TRIOBP: variants seen among roughly 807,000 people sequenced by gnomAD.
The protein encoded by TRIOBP is TRIO and F-actin binding protein.
Under a neutral mutation model 238.8 loss-of-function variants are expected in TRIOBP, and 169 were observed. The ratio of observed to expected loss-of-function variants is 0.71; its 90% CI spans 0.62 to 0.80. TRIOBP has a LOEUF of 0.80. TRIOBP is among the 30% of genes least tolerant of loss of function. The pLI is 0.00. For synonymous variants in TRIOBP, 1,150 were observed against 1,274.4 expected, an observed-to-expected ratio of 0.90 and a Z score of 2.08; for missense variants, 2,838 against 3,122.6, an observed-to-expected ratio of 0.91 and a Z score of 2.17.
At position 37,751,825 on chromosome 22, in the gene TRIOBP, A is replaced by T. The variant is rs746550716; in HGVS notation, c.5376A>T (p.Gly1792=). 6 of 1,609,108 alleles carry T rather than the reference A, an allele frequency of 3.7e-6. No homozygotes were observed. The highest frequency in any genetic ancestry group is 8.5e-7 in the Non-Finnish European group (1 of 1,177,072). Residue 1792 remains glycine (G), a synonymous_variant, in exon 12 of 24, where the codon GGA becomes GGT. Coordinates refer to ENST00000644935, the MANE Select transcript of TRIOBP (RefSeq NM_001039141.3). The part of the protein sequence containing the change: ...KGWMSILDEP[G]EPPSPSLTTT... Reference sequence around the variant, plus strand: ...GGATGTCGATCTTGGACGAGCCTGGAGAGGTAAGAGGACTGAGGCCGGAGG... The same window carrying T: ...GGATGTCGATCTTGGACGAGCCTGGTGAGGTAAGAGGACTGAGGCCGGAGG...
At chr22:37,759,694 C>G in intron 17 of TRIOBP, 1 of 1,510,412 alleles carries the variant, frequency 6.6e-7, no homozygotes, top group South Asian at 1.2e-5. Flanking sequence ...ACAAGGAGGT[C>G]TGCAGGACAG....
intron 6 of TRIOBP, among the ~76,000 whole-genome samples, chr22:37,719,174 G>A (rs1923694960): frequency 1.4e-5 from 2 of 147,304 alleles, no homozygotes; most frequent in East Asian, 2.1e-4. Flanking sequence ...CTGCACTCCC[G>A]CCTGGGCAAC....
intron 17 of TRIOBP, among the ~76,000 whole-genome samples, chr22:37,762,840 C>G (rs1183844827): frequency 6.6e-6 from 1 of 152,116 alleles, no homozygotes; most frequent in Non-Finnish European, 1.5e-5. Context: ...GGGTGCCCTT[C>G]CTTCAGGGGT....
chr22:37,735,613 CAAT>C (rs899022163), intron 9 of TRIOBP, among the ~76,000 whole-genome samples, 171 bp downstream of exon 9: 7 of 152,370 alleles, frequency 4.6e-5, no homozygotes, highest in Admixed American at 6.5e-5. Context: ...ACTGGCCCAA[CAAT>C]GATGATGAGC....
At position 37,757,630 on chromosome 22, in the gene TRIOBP, AG is replaced by A; in HGVS notation, c.5707del (p.Glu1903ArgfsTer14). The A allele has an allele frequency of 1.3e-6, 2 of 1,588,158 alleles. No homozygotes were observed. The highest frequency in any genetic ancestry group is 1.7e-6 in the Non-Finnish European group (2 of 1,169,434). On this transcript the variant is annotated frameshift_variant, in exon 16 of 24. Coordinates refer to ENST00000644935, the MANE Select transcript of TRIOBP (RefSeq NM_001039141.3). LOFTEE classifies it high-confidence loss of function. ...PDVTKLSDSN[K>X]ENALHSYSTQ... ...TGCCCTAGGCTCTCGGACTCTAACA[AG>A]GAGAACGCGCTGCACAGCTACAGCA...
intron 7 of TRIOBP, among the ~76,000 whole-genome samples, chr22:37,728,306 C>T (rs545767789): frequency 2.0e-5 from 3 of 150,788 alleles, no homozygotes; most frequent in East Asian, 1.9e-4. Flanking sequence ...TAGTGGCACA[C>T]GCCTGTAGTC....
intron 17 of TRIOBP, among the ~76,000 whole-genome samples, chr22:37,761,731 G>A (rs1026855430): frequency 6.6e-6 from 1 of 152,076 alleles, no homozygotes; most frequent in South Asian, 2.1e-4. Context: ...AGACCGTCCT[G>A]GGGCCAAGTA....
At chr22:37,749,462 G>T (rs1417417006) in intron 11 of TRIOBP, among the ~76,000 whole-genome samples, 2 of 152,144 alleles carry the variant, frequency 1.3e-5, no homozygotes, top group African/African-American at 4.8e-5. Flanking sequence ...GGGGTTGTGT[G>T]CCTGGCCAGG....
intron 18 of TRIOBP, among the ~76,000 whole-genome samples, chr22:37,767,269 CTCCGTCTCCTGGGTG>C (rs1926547786): frequency 2.2e-5 from 3 of 134,740 alleles, no homozygotes; most frequent in Non-Finnish European, 3.4e-5. Flanking sequence ...CAGAGTGAGA[CTCCGTCTCCTGGGTG>C]ACAGAGTGAG....
chr22:37,771,573 A>C, intron 21 of TRIOBP, 77 bp from the exon 22 acceptor site: 6 of 1,303,582 alleles, frequency 4.6e-6, no homozygotes, highest in Non-Finnish European at 5.6e-6. Context: ...GGCAGAGAGA[A>C]CCCGGGCTGC....
At chr22:37,755,396 C>G (rs979428368) in intron 14 of TRIOBP, 154 bp from the exon 15 acceptor site, 8 of 908,370 alleles carry the variant, frequency 8.8e-6, no homozygotes, top group South Asian at 8.5e-5. Context: ...TCTTCCCAGG[C>G]CAATGGAAGG....
chr22:37,760,447 T>C (rs1926186649), intron 17 of TRIOBP: 1 of 152,212 alleles, frequency 6.6e-6, no homozygotes, highest in South Asian at 2.1e-4. Context: ...CACTATTCAC[T>C]AGGATTTCCA....
chr22:37,755,395 G>T (rs942715802), intron 14 of TRIOBP, 155 bp from the exon 15 acceptor site: 2 of 906,744 alleles, frequency 2.2e-6, no homozygotes, highest in Admixed American at 4.0e-5. Flanking sequence ...CTCTTCCCAG[G>T]CCAATGGAAG....
At position 37,701,387 on chromosome 22, in the gene TRIOBP, G is replaced by T. The variant is rs1569030323; in HGVS notation, c.22G>T (p.Ala8Ser). The T allele has an allele frequency of 1.2e-6, 2 of 1,613,550 alleles. No homozygotes were observed. The highest frequency in any genetic ancestry group is 1.7e-6 in the Non-Finnish European group (2 of 1,179,836). Residue 8 changes from alanine to serine, a missense_variant, in exon 3 of 24, where the codon GCC (alanine) becomes TCC (serine). Physicochemically the swap from Ala to Ser is moderately conservative, Grantham distance 99 (BLOSUM62 1). Around this residue, in one of 5 missense-constraint regions of TRIOBP, gnomAD observed 535 missense variants for 537.3 expected, o/e 1.00. Transcript: ENST00000644935. Reference protein sequence around the residue: MEEVPGDALCEHFEANIL... With the variant: MEEVPGDSLCEHFEANIL... ...CAATATGGAGGAGGTGCCTGGGGAT[G>T]CCCTGTGTGAACACTTTGAGGCCAA...
intron 8 of TRIOBP, among the ~76,000 whole-genome samples, chr22:37,733,634 C>T (rs1400803974): frequency 2.0e-5 from 3 of 152,014 alleles, no homozygotes; most frequent in Non-Finnish European, 2.9e-5. Flanking sequence ...CCCTCTCCCA[C>T]GCTATCCCCT....
intron 5 of TRIOBP, among the ~76,000 whole-genome samples, chr22:37,714,804 G>A (rs1923432224): frequency 6.6e-6 from 1 of 152,080 alleles, no homozygotes; most frequent in African/African-American, 2.4e-5. Flanking sequence ...AGCCTCCTCA[G>A]TAGCTGGGAC....
At chr22:37,740,238 C>T (rs1202431065) in intron 10 of TRIOBP, among the ~76,000 whole-genome samples, 1 of 152,240 alleles carries the variant, frequency 6.6e-6, no homozygotes, top group African/African-American at 2.4e-5. Flanking sequence ...TTCCCAGTAA[C>T]CCATGTGTGG....
At chr22:37,731,278 C>T (rs1040789399) in intron 7 of TRIOBP, among the ~76,000 whole-genome samples, 2 of 151,898 alleles carry the variant, frequency 1.3e-5, no homozygotes, top group African/African-American at 4.8e-5. Context: ...GCTGGGACTA[C>T]AGCCACGTAC....
At chr22:37,749,584 G>C (rs909516120) in intron 11 of TRIOBP, among the ~76,000 whole-genome samples, 11 of 152,084 alleles carry the variant, frequency 7.2e-5, no homozygotes, top group Non-Finnish European at 1.2e-4. Context: ...TGTATGAAGG[G>C]GCATCGTGGG....
Sources: gnomAD v4.1 joint callset for allele counts (sites outside exome capture counted in the v4.1 genomes callset) on GRCh38, gnomAD v4.1.1 for gene constraint, gnomAD v4.1.1 regional missense constraint, MANE v1.5 for transcripts, NCBI Gene and HGNC (gene_info 2026-07-23, HGNC 2026-07-21) for gene names.